SART3: variants seen among roughly 807,000 people sequenced by gnomAD.
SART3 encodes HIV-1 Tat-interacting protein of 110kDa.
SART3 carries 44 observed loss-of-function variants against 122.3 expected under a neutral mutation model. The observed-to-expected ratio is 0.36, with a 90% CI of 0.28 to 0.46. The LOEUF (loss-of-function observed/expected upper bound fraction) is 0.46. SART3 is among the 20% of genes least tolerant of loss of function. The pLI, the probability that SART3 is intolerant of heterozygous loss-of-function variation, is 1.00. For missense variants in SART3, 1,101 were observed against 1,229.0 expected (o/e 0.90, Z 1.56); for synonymous variants, 442 against 454.0 (o/e 0.97, Z 0.34).
chr12:108,544,500 C>T (rs1873314486), intron 4 of SART3, 22 bp from the exon 5 acceptor site: 1 of 1,614,060 alleles, frequency 6.2e-7, no homozygotes, highest in Non-Finnish European at 8.5e-7. Flanking sequence ...AGGTTTGTTC[C>T]CGGTCAAAAG....
intron 14 of SART3, among the ~76,000 whole-genome samples, chr12:108,530,795 T>C (rs961925562): frequency 2.6e-5 from 4 of 151,942 alleles, no homozygotes; most frequent in Admixed American, 6.6e-5. Context: ...GAGGCAGAGC[T>C]TGCAGTGAGC....
rs563195172 is a variant in SART3, at chr12:108,553,132, C to A, written c.313-3918G>T. Reference sequence around the variant, plus strand: ...AGCAAATGGATATCCACAGGCAAAACAAATAAATACACCTTGACCTAAACT... The same window carrying A: ...AGCAAATGGATATCCACAGGCAAAAAAAATAAATACACCTTGACCTAAACT... On this transcript the variant is annotated intron_variant, in intron 1 of 18. Coordinates refer to ENST00000546815, the MANE Select transcript of SART3 (RefSeq NM_014706.4). Among the ~76,000 whole-genome samples the A allele has an allele frequency of 2.0e-5, 3 of 152,186 alleles. No homozygotes were observed. In the East Asian group the frequency reaches 5.8e-4, roughly 29 times the overall value.
intron 9 of SART3, chr12:108,537,011 T>C (rs1474189190): frequency 1.8e-6 from 1 of 550,144 alleles, no homozygotes; most frequent in Admixed American, 2.9e-5. Flanking sequence ...CACAGGGTGC[T>C]GTGGGGGGGA....
chr12:108,532,097 A>G (rs1346562781), intron 13 of SART3, 125 bp downstream of exon 13: 2 of 767,700 alleles, frequency 2.6e-6, no homozygotes, highest in Non-Finnish European at 4.5e-6. Flanking sequence ...CAGTCTAATC[A>G]TAGGGCACCA....
At chr12:108,548,890 A>T (rs986622207) in intron 2 of SART3, among the ~76,000 whole-genome samples, 198 bp downstream of exon 2, 1 of 152,250 alleles carries the variant, frequency 6.6e-6, no homozygotes, top group Non-Finnish European at 1.5e-5. Context: ...AGAATTCAAA[A>T]TCCGTGTTAT....
rs1248329502 is a variant in SART3 at position 108,525,622 on chromosome 12, G to A, written c.2371-13C>T. On this transcript the variant is annotated splice_polypyrimidine_tract_variant and intron_variant, in intron 16 of 18. Coordinates refer to ENST00000546815, the MANE Select transcript of SART3 (RefSeq NM_014706.4). ...TGTACCTGAACACCTATAGGAAGAAGGAAGACAGAGAAAAACCATGATTCG... is the reference window on the plus strand; with the variant it reads ...TGTACCTGAACACCTATAGGAAGAAAGAAGACAGAGAAAAACCATGATTCG... 2 of 1,613,752 alleles carry A rather than the reference G, an allele frequency of 1.2e-6. No individual in the cohort carries two copies. Among genetic ancestry groups the A allele is most frequent in the Non-Finnish European group, 1.7e-6 (2 of 1,179,642 alleles).
At chr12:108,534,553 G>C (rs57815190) in intron 12 of SART3, among the ~76,000 whole-genome samples, 3,765 of 151,648 alleles carry the variant, frequency 0.025, 151 homozygotes, top group African/African-American at 0.086. Context: ...GGTGGTGCAC[G>C]CCTGTAATCC....
Position 108,543,127 on chromosome 12 carries a change from A to G in SART3, c.807T>C (p.Tyr269=), listed in dbSNP as rs766904426. The change falls in exon 6 of 19, where the codon TAT becomes TAC. Residue 269 remains tyrosine (Y), a synonymous_variant. Transcript: ENST00000546815. ...GTATTGGGTCTTCTGACCATTCTTC[A>G]TACTCTGCAAATGTGGCCTCCATAT... ...LYDMEATFAE[Y]EEWSEDPIPE... The G allele has an allele frequency of 2.5e-6, 4 of 1,614,180 alleles. No individual in the cohort carries two copies. Among genetic ancestry groups the G allele is most frequent in the Non-Finnish European group, 3.4e-6 (4 of 1,180,020 alleles).
At chr12:108,525,900 A>G (rs1480443885) in intron 16 of SART3, 199 bp downstream of exon 16, 1 of 624,370 alleles carries the variant, frequency 1.6e-6, no homozygotes, top group Non-Finnish European at 2.8e-6. Context: ...TGTCATTGCT[A>G]AGCACCCAGC....
chr12:108,549,326 T>C, intron 1 of SART3, 112 bp from the exon 2 acceptor site: 1 of 1,232,842 alleles, frequency 8.1e-7, no homozygotes, highest in Admixed American at 1.9e-5. Flanking sequence ...AAACGTGCTA[T>C]CTGAGAAAAC....
In SART3 at chr12:108,525,599, T is replaced by C. The variant is rs1459369298; in HGVS notation, c.2381A>G (p.Tyr794Cys). The change falls in exon 17 of 19, where the codon TAC (tyrosine) becomes TGC (cysteine). Residue 794 changes from tyrosine to cysteine, a missense_variant. Physicochemically the swap from Tyr to Cys is radical, Grantham distance 194. This residue lies in a region of SART3 where 885 missense variants were observed against 1,080.1 expected (regional missense o/e 0.82). Coordinates refer to ENST00000546815, the MANE Select transcript of SART3 (RefSeq NM_014706.4). ...CTTGTGTTTCTCTAGGGAAGTGCTG[T>C]ACCTGAACACCTATAGGAAGAAGGA... ...SKNPDFKVFR[Y>C]STSLEKHKLF... The C allele has an allele frequency of 6.2e-7, 1 of 1,613,964 alleles. No homozygotes were observed. Among genetic ancestry groups the C allele is most frequent in the Non-Finnish European group, 8.5e-7 (1 of 1,179,966 alleles).
Position 108,532,215 on chromosome 12 carries a change from G to T in SART3, c.1669+7C>A, listed in dbSNP as rs779201431. ...GCTCCAAGCCAGAAGAGAGCTGGGG[G>T]TCCCACCTTCTGTCCTCTCCATGGT... On this transcript the variant is annotated splice_region_variant and intron_variant, in intron 13 of 18. Transcript: ENST00000546815. 4 of 1,610,688 alleles carry T rather than the reference G, an allele frequency of 2.5e-6. No homozygotes were observed. Among genetic ancestry groups the T allele is most frequent in the Non-Finnish European group, 3.4e-6 (4 of 1,177,048 alleles).
Position 108,537,503 on chromosome 12 carries a change from C to T in SART3, c.1294G>A (p.Val432Ile). Residue 432 changes from valine to isoleucine, a missense_variant, in exon 9 of 19, where the codon GTT (valine) becomes ATT (isoleucine). By Grantham distance (29) the Val-to-Ile change is conservative. Around this residue, in one of 2 missense-constraint regions of SART3, gnomAD observed 885 missense variants for 1,080.1 expected, o/e 0.82. Transcript: ENST00000546815. Reference protein sequence around the residue: ...QAYLDYLRRRVDFKQDSSKEL... With the variant: ...QAYLDYLRRRIDFKQDSSKEL... ...GCTTAAATACCTTGTTTGAAATCAA[C>T]CCTTCTCCTCAGGTAATCAAGGTAT... 6.2e-7 allele frequency: 1 copy of T among 1,613,088 alleles called. No individual in the cohort carries two copies. The highest frequency in any genetic ancestry group is 8.5e-7 in the Non-Finnish European group (1 of 1,179,050).
intron 4 of SART3, 127 bp downstream of exon 4, chr12:108,545,012 G>C: frequency 1.0e-6 from 1 of 987,848 alleles, no homozygotes; most frequent in Non-Finnish European, 1.6e-6. Context: ...CTAAGGGATT[G>C]GCAAAGACCA....
At chr12:108,538,897 T>G in intron 7 of SART3, 37 bp downstream of exon 7, 2 of 1,613,776 alleles carry the variant, frequency 1.2e-6, no homozygotes, top group East Asian at 4.5e-5. Context: ...GATTCTAAAT[T>G]GGCAAAAATA....
intron 11 of SART3, chr12:108,535,689 A>C: frequency 1.8e-6 from 1 of 565,560 alleles, no homozygotes; most frequent in Non-Finnish European, 3.3e-6. Context: ...TTTCCTGAGA[A>C]CCGAGAGAGG....
chr12:108,535,067 A>G (rs1039066879), intron 12 of SART3, among the ~76,000 whole-genome samples: 1 of 152,208 alleles, frequency 6.6e-6, no homozygotes, highest in African/African-American at 2.4e-5. Context: ...TTTCTATAAA[A>G]GCAAATATAA....
At chr12:108,543,210 C>T in intron 5 of SART3, 58 bp from the exon 6 acceptor site, 1 of 1,602,596 alleles carries the variant, frequency 6.2e-7, no homozygotes, top group African/African-American at 1.3e-5. Flanking sequence ...TCAACCCAAA[C>T]ACAGATTAAG....
At chr12:108,542,928 T>C in intron 6 of SART3, 100 bp downstream of exon 6, 1 of 1,480,452 alleles carries the variant, frequency 6.8e-7, no homozygotes, top group Admixed American at 1.7e-5. Context: ...ACTCTATATA[T>C]TTCAGAATAA....
Sources: gnomAD v4.1 joint callset for allele counts (sites outside exome capture counted in the v4.1 genomes callset) on GRCh38, gnomAD v4.1.1 for gene constraint, gnomAD v4.1.1 regional missense constraint, MANE v1.5 for transcripts, NCBI Gene and HGNC (gene_info 2026-07-23, HGNC 2026-07-21) for gene names.